PRORP: variants seen among roughly 807,000 people sequenced by gnomAD.
PRORP encodes protein only RNase P catalytic subunit, also known as mitochondrial ribonuclease P catalytic subunit.
PRORP carries 51 observed loss-of-function variants against 59.4 expected under a neutral mutation model. That is an observed-to-expected ratio of 0.86 (90% CI 0.69 to 1.08). The LOEUF (loss-of-function observed/expected upper bound fraction) is 1.08. Ranked by LOEUF, PRORP falls within the 50% of genes least tolerant of loss-of-function variation. The probability of loss-of-function intolerance (pLI) is 0.00; values close to 1 mark genes in which losing one functional copy is unlikely to be tolerated. For missense variants in PRORP, 646 were observed against 690.3 expected (o/e 0.94, Z 0.72); for synonymous variants, 231 against 245.6 (o/e 0.94, Z 0.55).
intron 5 of PRORP, among the ~76,000 whole-genome samples, chr14:35,225,844 C>G (rs2049920352): frequency 6.6e-6 from 1 of 151,784 alleles, no homozygotes; most frequent in South Asian, 2.1e-4. Flanking sequence ...CTTAGGAGTT[C>G]AAGACCAGCC....
intron 4 of PRORP, among the ~76,000 whole-genome samples, chr14:35,141,294 C>T (rs1440040359): frequency 2.1e-5 from 3 of 141,336 alleles, no homozygotes; most frequent in African/African-American, 7.5e-5. Context: ...CAAGTTCTTA[C>T]TATTCACCCA....
chr14:35,205,469 C>T (rs1033687783), intron 5 of PRORP, among the ~76,000 whole-genome samples: 3 of 152,116 alleles, frequency 2.0e-5, no homozygotes, highest in East Asian at 3.9e-4. Context: ...GGATTACAGG[C>T]GTGAGGCACC....
chr14:35,243,642 G>A (rs1488650517), intron 5 of PRORP, among the ~76,000 whole-genome samples: 1 of 152,152 alleles, frequency 6.6e-6, no homozygotes, highest in Non-Finnish European at 1.5e-5. Context: ...GATTAAGAAT[G>A]TAGGTTTGTG....
At chr14:35,196,090 T>G (rs1218392342) in intron 5 of PRORP, among the ~76,000 whole-genome samples, 1 of 152,232 alleles carries the variant, frequency 6.6e-6, no homozygotes, top group Non-Finnish European at 1.5e-5. Context: ...TAATGTGGAT[T>G]CTTGGAAGAA....
chr14:35,224,821 T>C (rs1006654596), intron 5 of PRORP, among the ~76,000 whole-genome samples: 19 of 152,204 alleles, frequency 1.2e-4, no homozygotes, highest in Non-Finnish European at 2.6e-4. Flanking sequence ...CTCCCACCTA[T>C]TTCCTAGGAT....
At chr14:35,233,110 A>ACAATGATCACAGCATGTGTTT (rs2050123705) in intron 5 of PRORP, among the ~76,000 whole-genome samples, 1 of 150,626 alleles carries the variant, frequency 6.6e-6, no homozygotes, top group Non-Finnish European at 1.5e-5. Context: ...TTTTCTTTTC[A>ACAATGATCACAGCATGTGTTT]TTCGTCAACC....
chr14:35,196,259 G>A (rs1482417687), intron 5 of PRORP, among the ~76,000 whole-genome samples: 4 of 152,222 alleles, frequency 2.6e-5, no homozygotes, highest in African/African-American at 9.6e-5. Context: ...AGGACCACTT[G>A]AGCCCAGGAG....
intron 5 of PRORP, among the ~76,000 whole-genome samples, chr14:35,195,926 A>C (rs1340457199): frequency 1.3e-5 from 2 of 152,224 alleles, no homozygotes; most frequent in Non-Finnish European, 2.9e-5. Flanking sequence ...TGACTTTAAG[A>C]AACATATGTT....
intron 5 of PRORP, among the ~76,000 whole-genome samples, chr14:35,232,083 T>A (rs1239301983): frequency 6.6e-6 from 1 of 152,232 alleles, no homozygotes; most frequent in African/African-American, 2.4e-5. Context: ...TTATCTCACT[T>A]AATCATAGGT....
intron 5 of PRORP, among the ~76,000 whole-genome samples, chr14:35,198,344 G>A (rs1362969766): frequency 2.6e-5 from 4 of 152,178 alleles, no homozygotes; most frequent in African/African-American, 4.8e-5. Flanking sequence ...TTCTTGTTAC[G>A]AACCGGTGAA....
chr14:35,221,412 C>G (rs1400828611), intron 5 of PRORP, among the ~76,000 whole-genome samples: 1 of 152,140 alleles, frequency 6.6e-6, no homozygotes, highest in Non-Finnish European at 1.5e-5. Flanking sequence ...TATGGCACTG[C>G]TGTTGATTCT....
At chr14:35,206,888 TAGAA>T in intron 5 of PRORP, among the ~76,000 whole-genome samples, 1 of 152,336 alleles carries the variant, frequency 6.6e-6, no homozygotes, top group South Asian at 2.1e-4. Context: ...AATGCTCACT[TAGAA>T]GGACGATTAG....
At chr14:35,134,442 ATGTACTACC>A (rs2047324758) in intron 4 of PRORP, among the ~76,000 whole-genome samples, 1 of 152,134 alleles carries the variant, frequency 6.6e-6, no homozygotes, top group Non-Finnish European at 1.5e-5. Context: ...AAGGCCCATG[ATGTACTACC>A]TGGATATTGC....
chr14:35,154,023 C>G (rs570316859), intron 4 of PRORP, among the ~76,000 whole-genome samples: 1 of 152,166 alleles, frequency 6.6e-6, no homozygotes, highest in Non-Finnish European at 1.5e-5. Flanking sequence ...TCAGCACTTT[C>G]GTTCTTTTTC....
chr14:35,198,372 A>G (rs936875670), intron 5 of PRORP, among the ~76,000 whole-genome samples: 3 of 152,202 alleles, frequency 2.0e-5, no homozygotes, highest in Non-Finnish European at 4.4e-5. Flanking sequence ...TGTAAGCATC[A>G]GCAGTAAAGG....
intron 5 of PRORP, among the ~76,000 whole-genome samples, chr14:35,258,215 C>A (rs1166227211): frequency 6.6e-6 from 1 of 152,142 alleles, no homozygotes; most frequent in Non-Finnish European, 1.5e-5. Context: ...TGGTCTCGAA[C>A]TCCTGAGTTC....
intron 5 of PRORP, among the ~76,000 whole-genome samples, chr14:35,231,717 G>A (rs534982846): frequency 1.3e-5 from 2 of 152,280 alleles, no homozygotes; most frequent in South Asian, 2.1e-4. Context: ...CTGGGAATGT[G>A]AAAGGAAAGT....
intron 5 of PRORP, among the ~76,000 whole-genome samples, chr14:35,254,412 G>A (rs1460057937): frequency 6.6e-6 from 1 of 152,000 alleles, no homozygotes; most frequent in Non-Finnish European, 1.5e-5. Flanking sequence ...TTTGTTTTGA[G>A]ATGGAGTTTC....
chr14:35,255,522 C>A (rs902060635), intron 5 of PRORP, among the ~76,000 whole-genome samples: 1 of 152,130 alleles, frequency 6.6e-6, no homozygotes, highest in African/African-American at 2.4e-5. Flanking sequence ...AATGAACTGG[C>A]CTTTTCAATT....
Sources: gnomAD v4.1 joint callset for allele counts (sites outside exome capture counted in the v4.1 genomes callset) on GRCh38, gnomAD v4.1.1 for gene constraint, MANE v1.5 for transcripts, NCBI Gene and HGNC (gene_info 2026-07-23, HGNC 2026-07-21) for gene names.